Variants in RBSN observed in about 807,000 individuals in gnomAD.
RBSN encodes rabenosyn-5.
A neutral mutation model predicts 60.5 loss-of-function variants in RBSN; 34 were observed. The ratio of observed to expected loss-of-function variants is 0.56; its 90% confidence interval spans 0.43 to 0.75. RBSN has a LOEUF of 0.75. RBSN is among the 30% of genes least tolerant of loss of function. The pLI is 0.00. For missense variants in RBSN, 845 were observed against 986.8 expected (o/e 0.86, Z 1.92); for synonymous variants, 322 against 366.9 (o/e 0.88, Z 1.40).
At position 15,082,741 on chromosome 3, in the gene RBSN, C is replaced by G; in HGVS notation, c.599-133G>C. On this transcript the variant is annotated intron_variant, in intron 8 of 13. Transcript: ENST00000253699. The surrounding 1 kb of genome is among the most constrained non-coding windows in gnomAD (Gnocchi z 4.2). ...ATCAGGCTCCAGCTGTGGGCACGTA[C>G]TGCCCCTCTGCCTTCCTGGTGTCAG... 1.6e-6 allele frequency: 2 copies of G among 1,255,834 alleles called. No homozygotes were observed. Among genetic ancestry groups the G allele is most frequent in the Non-Finnish European group, 1.1e-6 (1 of 917,740 alleles). 77.8% of individuals were successfully genotyped at this position (1,255,834 alleles called of 1,614,324 possible).
In RBSN at chr3:15,074,475, G is replaced by C; in HGVS notation, c.1662C>G (p.Ile554Met). ...TRTRSLDFRE[I>M]GPFQLEPSRE... ...TGCTGGGCTCCAGCTGAAAAGGGCC[G>C]ATTTCTCTGAAGTCCAGGGACCGAG... is the stretch of plus-strand genomic sequence containing the variant. The change falls in exon 14 of 14, where the codon ATC (isoleucine) becomes ATG (methionine). Residue 554 changes from isoleucine to methionine, a missense_variant. Transcript: ENST00000253699. The surrounding 1 kb of genome is among the most constrained non-coding windows in gnomAD (Gnocchi z 6.4). 1 of 1,614,234 alleles carries C rather than the reference G, an allele frequency of 6.2e-7. No homozygotes were observed. The highest frequency in any genetic ancestry group is 8.5e-7 in the Non-Finnish European group (1 of 1,180,044).
Position 15,085,965 on chromosome 3 carries a change from G to GAGGGAAGGA in RBSN, c.290-13_290-5dup, listed in dbSNP as rs763678477. ...GAAAGATGGCTTCTCACAGCACCTA[G>GAGGGAAGGA]AGGGAAGGAAGGTAGGGAGACAAAT... On this transcript the variant is annotated splice_polypyrimidine_tract_variant and splice_region_variant and intron_variant, in intron 5 of 13. Coordinates refer to ENST00000253699, the MANE Select transcript of RBSN (RefSeq NM_022340.4). The GAGGGAAGGA allele has an allele frequency of 4.3e-6, 7 of 1,612,984 alleles. No homozygotes were observed. The highest frequency in any genetic ancestry group is 1.7e-4 in the Middle Eastern group (1 of 6,058).
At chr3:15,095,671 T>A in intron 4 of RBSN, 1 of 523,782 alleles carries the variant, frequency 1.9e-6, no homozygotes, top group Non-Finnish European at 3.3e-6. Flanking sequence ...TCAAGCCAGA[T>A]CACAGCAATT....
At chr3:15,096,375 T>C (rs2043658048) in intron 3 of RBSN, 87 bp from the exon 4 acceptor site, 1 of 391,662 alleles carries the variant, frequency 2.6e-6, no homozygotes, top group Admixed American at 4.1e-5. Context: ...CACAGTTCAA[T>C]GGGGTACTTA....
intron 4 of RBSN, among the ~76,000 whole-genome samples, chr3:15,094,170 TG>T (rs1172044546): frequency 3.9e-5 from 6 of 152,368 alleles, no homozygotes; most frequent in African/African-American, 1.4e-4. Context: ...CTCTACCCAC[TG>T]GTATCACCAG....
chr3:15,075,596 C>T lies in RBSN; in HGVS notation c.1206+10G>A. On this transcript the variant is annotated intron_variant, in intron 13 of 13. Transcript: ENST00000253699. ...GAGGAAGCAGGCCCCATATCCCTGG[C>T]TTCACTCACTTGTCTCTCCACGGCC... is the stretch of plus-strand genomic sequence containing the variant. 1 of 1,612,354 alleles carries T rather than the reference C, an allele frequency of 6.2e-7. No individual in the cohort carries two copies. The highest frequency in any genetic ancestry group is 8.5e-7 in the Non-Finnish European group (1 of 1,178,450).
Position 15,078,075 on chromosome 3 carries a change from C to G in RBSN, c.998G>C (p.Ser333Thr). ...QKVYELIDALSKKILTLGLNQ... is the reference protein window; with the variant it reads ...QKVYELIDALTKKILTLGLNQ... Reference sequence around the variant, plus strand: ...CAGGATACCACTTAATGGACCTTACCTTAAAGCGTCTATCAGCTCATACAC... The same window carrying G: ...CAGGATACCACTTAATGGACCTTACGTTAAAGCGTCTATCAGCTCATACAC... The change falls in exon 11 of 14, where the codon AGT (serine) becomes ACT (threonine). Residue 333 changes from serine (S) to threonine (T), a missense_variant and splice_region_variant. Ser to Thr is a moderately conservative substitution (Grantham distance 58). Transcript: ENST00000253699. 3 of 1,613,928 alleles carry G rather than the reference C, an allele frequency of 1.9e-6. No individual in the cohort carries two copies. Among genetic ancestry groups the G allele is most frequent in the Non-Finnish European group, 2.5e-6 (3 of 1,179,864 alleles).
intron 5 of RBSN, among the ~76,000 whole-genome samples, chr3:15,088,385 A>AT (rs35183082): frequency 0.21 from 30,916 of 147,376 alleles, 3,509 homozygotes; most frequent in Middle Eastern, 0.3. Flanking sequence ...TATTATTATT[A>AT]TTTTTTTTTT....
chr3:15,084,787 G>A lies in RBSN; in HGVS notation c.546C>T (p.Cys182=), dbSNP rs200938840. 51 of 1,614,096 alleles carry A rather than the reference G, an allele frequency of 3.2e-5. No homozygotes were observed. Among genetic ancestry groups the A allele is most frequent in the Non-Finnish European group, 3.9e-5 (46 of 1,179,992 alleles). The change falls in exon 8 of 14, where the codon TGC becomes TGT. Residue 182 remains cysteine (C), a synonymous_variant. Transcript: ENST00000253699. This position sits in a 1 kb window ranked among gnomAD's most constrained non-coding sequence, Gnocchi z 4.2. The part of the protein sequence containing the change: ...IRNRRHHCRL[C]GSIMCKKCME... Reference sequence around the variant, plus strand: ...TACACTTCTTGCACATAATAGACCCGCAGAGGCGGCAGTGGTGGCGGCGGT... The same window carrying A: ...TACACTTCTTGCACATAATAGACCCACAGAGGCGGCAGTGGTGGCGGCGGT...
rs1221550951 is a variant in RBSN, at chr3:15,082,566, G to C, written c.641C>G (p.Thr214Ser). The change falls in exon 9 of 14, where the codon ACC becomes AGC. Residue 214 changes from threonine to serine, a missense_variant. Coordinates refer to ENST00000253699, the MANE Select transcript of RBSN (RefSeq NM_022340.4). The surrounding 1 kb of genome is among the most constrained non-coding windows in gnomAD (Gnocchi z 4.2). ...SASKESLSTH[T>S]SPSQSPNSVH... is the part of the protein sequence containing the mutation. ...ACTGTTGGGTGACTGGCTGGGGCTG[G>C]TGTGGGTGCTCAGGGACTCCTTGCT... 2 of 1,614,064 alleles carry C rather than the reference G, an allele frequency of 1.2e-6. No individual in the cohort carries two copies. Among genetic ancestry groups the C allele is most frequent in the African/African-American group, 1.3e-5 (1 of 74,922 alleles).
chr3:15,074,673 G>A lies in RBSN; in HGVS notation c.1464C>T (p.Asn488=). 6.2e-7 allele frequency: 1 copy of A among 1,614,254 alleles called. No individual in the cohort carries two copies. The highest frequency in any genetic ancestry group is 8.5e-7 in the Non-Finnish European group (1 of 1,180,054). The change falls in exon 14 of 14, where the codon AAC becomes AAT. Residue 488 remains asparagine, a synonymous_variant. Coordinates refer to ENST00000253699, the MANE Select transcript of RBSN (RefSeq NM_022340.4). This position sits in a 1 kb window ranked among gnomAD's most constrained non-coding sequence, Gnocchi z 6.4. ...CATACTCGTCCTGCAGCTGCCGCAG[G>A]TTCTCCTGCAGAGTGCGCACTTCAT... ...RMDEVRTLQE[N]LRQLQDEYDQ... is the part of the protein sequence containing the mutation.
In RBSN at chr3:15,077,509, G is replaced by C. The variant is rs1396469618; in HGVS notation, c.999-345C>G. 6.6e-6 allele frequency among the ~76,000 whole-genome samples: 1 copy of C among 152,130 alleles called. No individual in the cohort carries two copies. Among genetic ancestry groups the C allele is most frequent in the Non-Finnish European group, 1.5e-5 (1 of 68,016 alleles). ...AGTGTCTTTATTCTTAATAACTTTT[G>C]AACAGGGGACATGCATTTTCATTTT... is the stretch of plus-strand genomic sequence containing the variant. On this transcript the variant is annotated intron_variant, in intron 11 of 13. Coordinates refer to ENST00000253699, the MANE Select transcript of RBSN (RefSeq NM_022340.4). This position sits in a 1 kb window ranked among gnomAD's most constrained non-coding sequence, Gnocchi z 4.4.
At chr3:15,086,634 TTAAA>T (rs2043351144) in intron 5 of RBSN, among the ~76,000 whole-genome samples, 1 of 152,356 alleles carries the variant, frequency 6.6e-6, no homozygotes, top group Admixed American at 6.5e-5. Context: ...CATGCCAATG[TTAAA>T]TAAACAGGGT....
At chr3:15,089,748 C>A (rs1246356444) in intron 5 of RBSN, among the ~76,000 whole-genome samples, 2 of 151,844 alleles carry the variant, frequency 1.3e-5, no homozygotes, top group Non-Finnish European at 2.9e-5. Flanking sequence ...GCAGCTGGGA[C>A]TACAGGCGCC....
rs201579870 is a variant in RBSN, at chr3:15,082,359, C to T, written c.840+8G>A. ...AAATTAGACCCAAGACCAGACAGCG[C>T]GAATCACCTCGTAGAGCTTCACGAT... is the stretch of plus-strand genomic sequence containing the variant. On this transcript the variant is annotated splice_region_variant and intron_variant, in intron 9 of 13. Transcript: ENST00000253699. The surrounding 1 kb of genome is among the most constrained non-coding windows in gnomAD (Gnocchi z 4.2). 6.2e-4 allele frequency: 991 copies of T among 1,608,316 alleles called. 3 individuals carry two copies. The highest frequency in any genetic ancestry group is 8.1e-4 in the Non-Finnish European group (957 of 1,175,144).
In RBSN at chr3:15,082,622, A is replaced by C; in HGVS notation, c.599-14T>G. 6.2e-7 allele frequency: 1 copy of C among 1,612,448 alleles called. No individual in the cohort carries two copies. The highest frequency in any genetic ancestry group is 8.5e-7 in the Non-Finnish European group (1 of 1,178,948). Reference sequence around the variant, plus strand: ...TGGTGAGCTTGTCTGTAACCACAACACCAACAGGCAGCAATGACCCCCACA... The same window carrying C: ...TGGTGAGCTTGTCTGTAACCACAACCCCAACAGGCAGCAATGACCCCCACA... On this transcript the variant is annotated splice_polypyrimidine_tract_variant and intron_variant, in intron 8 of 13. Coordinates refer to ENST00000253699, the MANE Select transcript of RBSN (RefSeq NM_022340.4). The surrounding 1 kb of genome is among the most constrained non-coding windows in gnomAD (Gnocchi z 4.2).
chr3:15,091,998 G>C (rs2043529084), intron 4 of RBSN, among the ~76,000 whole-genome samples: 1 of 152,004 alleles, frequency 6.6e-6, no homozygotes, highest in Admixed American at 6.6e-5. Context: ...AATATAAAAT[G>C]GTATCATTAC....
intron 8 of RBSN, among the ~76,000 whole-genome samples, chr3:15,083,113 C>T (rs73141249): frequency 0.028 from 4,324 of 152,190 alleles, 209 homozygotes; most frequent in African/African-American, 0.097. Context: ...TTTGTGGGTA[C>T]GAACTGTGTC....
chr3:15,096,419 T>A (rs1423783478), intron 3 of RBSN, 116 bp downstream of exon 3: 1 of 266,622 alleles, frequency 3.8e-6, no homozygotes. Context: ...GAAAACAAAC[T>A]CTTTCTCAAA....
Sources: allele counts gnomAD v4.1 joint callset (sites outside exome capture counted in the v4.1 genomes callset), GRCh38; gene constraint gnomAD v4.1.1; non-coding constraint Gnocchi (gnomAD v3.1); transcripts MANE v1.5; gene names NCBI Gene and HGNC (gene_info 2026-07-23, HGNC 2026-07-21).